Variants in DRICH1 observed in about 807,000 individuals in gnomAD.
The protein encoded by DRICH1 is aspartate-rich protein 1.
In DRICH1, 38 loss-of-function variants were observed where a neutral mutation model predicts 39.5. The ratio of observed to expected loss-of-function variants is 0.96; its 90% CI spans 0.74 to 1.26. DRICH1 has a LOEUF of 1.26. DRICH1 is among the 50% of genes most tolerant of loss of function. The pLI, the probability that DRICH1 is intolerant of heterozygous loss-of-function variation, is 0.00. For synonymous variants in DRICH1, 84 were observed against 99.5 expected (o/e 0.84, Z 0.93); for missense variants, 279 against 270.4 (o/e 1.03, Z -0.22).
chr22:23,628,344 A>G (rs911485460), intron 1 of DRICH1, among the ~76,000 whole-genome samples: 5 of 152,210 alleles, frequency 3.3e-5, no homozygotes, highest in African/African-American at 4.8e-5. Context: ...AGGTGGGTGG[A>G]TCACTTGATG....
At chr22:23,612,945 C>T (rs1927127963) in intron 11 of DRICH1, among the ~76,000 whole-genome samples, 1 of 152,204 alleles carries the variant, frequency 6.6e-6, no homozygotes, top group Admixed American at 6.5e-5. Flanking sequence ...AGATTCCCTT[C>T]ATCACAGATG....
At chr22:23,614,976 A>AT (rs1464990717) in intron 8 of DRICH1, among the ~76,000 whole-genome samples, 1 of 152,230 alleles carries the variant, frequency 6.6e-6, no homozygotes, top group Admixed American at 6.5e-5. Flanking sequence ...TCAAATATAC[A>AT]TTATCTACTG....
chr22:23,619,668 A>T (rs1927596406), intron 5 of DRICH1, among the ~76,000 whole-genome samples: 1 of 152,262 alleles, frequency 6.6e-6, no homozygotes, highest in Non-Finnish European at 1.5e-5. Flanking sequence ...CCTCTTCCAC[A>T]AATGATGGTA....
At chr22:23,594,921 C>T in the DRICH1 span, among the ~76,000 whole-genome samples, 3 of 150,782 alleles carry the variant, frequency 2.0e-5, no homozygotes, top group African/African-American at 7.3e-5. Context: ...TGAGCAGAGT[C>T]TGGGGCATTT....
At position 23,619,931 on chromosome 22, in the gene DRICH1, C is replaced by T. The variant is rs185639662; in HGVS notation, c.407-538G>A. On this transcript the variant is annotated intron_variant, in intron 5 of 11. Transcript: ENST00000317749. Reference sequence around the variant, plus strand: ...TTCTCCTATGCATCTGGGCACACCACAGAATTCTGTCTCCAGGAGTGAGTA... The same window carrying T: ...TTCTCCTATGCATCTGGGCACACCATAGAATTCTGTCTCCAGGAGTGAGTA... Among the ~76,000 whole-genome samples the T allele has an allele frequency of 2.5e-4, 38 of 152,238 alleles. No individual in the cohort carries two copies. In the East Asian group the frequency reaches 7.0e-3, roughly 28 times the overall value.
At chr22:23,625,921 A>ATC in intron 2 of DRICH1, 60 bp downstream of exon 2, 1 of 1,391,802 alleles carries the variant, frequency 7.2e-7, no homozygotes, top group African/African-American at 1.4e-5. Context: ...AGATGGGTGA[A>ATC]TTTGTTTCTG....
In DRICH1 at chr22:23,613,347, A is replaced by G. The variant is rs1927155075; in HGVS notation, c.644-17T>C. 13 of 1,607,676 alleles carry G rather than the reference A, an allele frequency of 8.1e-6. No individual in the cohort carries two copies. The highest frequency in any genetic ancestry group is 1.1e-5 in the Non-Finnish European group (13 of 1,174,138). ...GCGTCAAGTCTTTAGAAACAAAAAC[A>G]CCAGAATAAGTCATTAGAGAGAGTG... is the stretch of plus-strand genomic sequence containing the variant. On this transcript the variant is annotated splice_polypyrimidine_tract_variant and intron_variant, in intron 10 of 11. Transcript: ENST00000317749.
rs980346583 is a variant in DRICH1, at chr22:23,608,637, G to T, written c.*127C>A. 3 of 995,806 alleles carry T rather than the reference G, an allele frequency of 3.0e-6. No individual in the cohort carries two copies. Among genetic ancestry groups the T allele is most frequent in the Non-Finnish European group, 4.6e-6 (3 of 649,194 alleles). 61.7% of individuals were successfully genotyped at this position (995,806 alleles called of 1,614,324 possible). ...AAGCAGCCTTGGACTTTTTCTCTCT[G>T]CTGGGACCAAGAGTTTTCCTCAGAA... On this transcript the variant is annotated 3_prime_UTR_variant, in exon 12 of 12. Transcript: ENST00000317749.
intron 2 of DRICH1, 81 bp from the exon 3 acceptor site, chr22:23,624,985 T>C: frequency 6.6e-7 from 1 of 1,510,408 alleles, no homozygotes; most frequent in Non-Finnish European, 9.1e-7. Context: ...ATTCTCTTGA[T>C]GACTTCAGAA....
At chr22:23,594,695 T>C in the DRICH1 span, among the ~76,000 whole-genome samples, 129,025 of 151,466 alleles carry the variant, frequency 0.85, 55,158 homozygotes, top group African/African-American at 0.94. Context: ...CTCTTCAGGA[T>C]CCCTAACATA....
chr22:23,622,226 A>T, intron 3 of DRICH1, 50 bp from the exon 4 acceptor site: 1 of 1,551,924 alleles, frequency 6.4e-7, no homozygotes, highest in Non-Finnish European at 8.9e-7. Flanking sequence ...TGTGACTGTG[A>T]GTCACTCAGG....
downstream of DRICH1, among the ~76,000 whole-genome samples, chr22:23,605,810 T>C (rs1413301935): frequency 6.6e-6 from 1 of 152,118 alleles, no homozygotes; most frequent in Non-Finnish European, 1.5e-5. Context: ...AGGTTAATTA[T>C]GGGCTCATGC....
the DRICH1 span, among the ~76,000 whole-genome samples, chr22:23,598,447 G>A: frequency 6.6e-6 from 1 of 152,078 alleles, no homozygotes; most frequent in African/African-American, 2.4e-5. Flanking sequence ...GTGTACAGAG[G>A]AGGAAACTGA....
At chr22:23,619,099 A>G (rs190295863) in intron 6 of DRICH1, among the ~76,000 whole-genome samples, 1,539 of 151,542 alleles carry the variant, frequency 0.01, 24 homozygotes, top group African/African-American at 0.033. Context: ...TTCAACCTGG[A>G]AGGCAGAGGT....
At chr22:23,629,304 G>A (rs1228732752) in intron 1 of DRICH1, among the ~76,000 whole-genome samples, 1 of 152,150 alleles carries the variant, frequency 6.6e-6, no homozygotes, top group African/African-American at 2.4e-5. Context: ...CTCCCAAAGT[G>A]CTGGGATTAC....
the DRICH1 span, among the ~76,000 whole-genome samples, chr22:23,582,185 G>T: frequency 6.6e-6 from 1 of 150,510 alleles, no homozygotes; most frequent in Non-Finnish European, 1.5e-5. Context: ...CAGCATGTTG[G>T]TCAGGCTGGT....
chr22:23,619,398 G>A lies in DRICH1; in HGVS notation c.407-5C>T, dbSNP rs543112967. The A allele has an allele frequency of 1.2e-4, 96 of 780,208 alleles. No individual in the cohort carries two copies. The highest frequency in any genetic ancestry group is 4.1e-5 in the Non-Finnish European group (17 of 417,740). 48.3% of individuals were successfully genotyped at this position (780,208 alleles called of 1,614,324 possible). ...TATCAAACCGGTAACAGCCACCTGCGGAGAAATGGAAAAGTTAATCTAAGA... is the reference window on the plus strand; with the variant it reads ...TATCAAACCGGTAACAGCCACCTGCAGAGAAATGGAAAAGTTAATCTAAGA... On this transcript the variant is annotated splice_region_variant and splice_polypyrimidine_tract_variant and intron_variant, in intron 5 of 11. Transcript: ENST00000317749.
the DRICH1 span, chr22:23,581,068 C>T: frequency 7.9e-5 from 12 of 152,188 alleles, no homozygotes; most frequent in South Asian, 2.1e-4. Context: ...CTGACACACA[C>T]GTCCGTCATC....
At chr22:23,619,525 G>A in intron 5 of DRICH1, 132 bp from the exon 6 acceptor site, 3 of 698,908 alleles carry the variant, frequency 4.3e-6, no homozygotes, top group South Asian at 1.5e-5. Flanking sequence ...AAAAAACAGA[G>A]AAATGCAAAC....
Sources: allele counts gnomAD v4.1 joint callset (sites outside exome capture counted in the v4.1 genomes callset), GRCh38; gene constraint gnomAD v4.1.1; transcripts MANE v1.5; gene names NCBI Gene and HGNC (gene_info 2026-07-23, HGNC 2026-07-21).